LMAN2L: variants seen among roughly 807,000 people sequenced by gnomAD.
LMAN2L encodes VIP36-like protein.
Under a neutral mutation model 44.3 loss-of-function variants are expected in LMAN2L, and 30 were observed. That is an observed-to-expected ratio of 0.68 (90% CI 0.51 to 0.92). The LOEUF (loss-of-function observed/expected upper bound fraction) is 0.92, where lower values mean the gene tolerates loss of function less well. LMAN2L is among the 40% of genes least tolerant of loss of function. The probability of loss-of-function intolerance (pLI) is 0.00; values close to 1 mark genes in which losing one functional copy is unlikely to be tolerated. For synonymous variants in LMAN2L, 183 were observed against 171.1 expected (o/e 1.07, Z -0.54); for missense variants, 429 against 446.1 (o/e 0.96, Z 0.35).
Position 96,707,813 on chromosome 2 carries a change from A to C in LMAN2L, c.805T>G (p.Leu269Val). The C allele has an allele frequency of 6.2e-7, 1 of 1,613,844 alleles. No homozygotes were observed. Among genetic ancestry groups the C allele is most frequent in the South Asian group, 1.1e-5 (1 of 91,060 alleles). ...TCCACTGTCAGTTCAAACAACTTCAAGGAAATGACATCATGATTATCTGAA... is the reference window on the plus strand; with the variant it reads ...TCCACTGTCAGTTCAAACAACTTCACGGAAATGACATCATGATTATCTGAA... ...DLSDNHDVIS[L>V]KLFELTVERT... The change falls in exon 7 of 8, where the codon TTG becomes GTG. Residue 269 changes from leucine (L) to valine (V), a missense_variant. Physicochemically the swap from Leu to Val is conservative, Grantham distance 32. Transcript: ENST00000264963.
intron 4 of LMAN2L, among the ~76,000 whole-genome samples, chr2:96,721,954 C>T (rs2078166554): frequency 6.6e-6 from 1 of 151,880 alleles, no homozygotes; most frequent in Non-Finnish European, 1.5e-5. Flanking sequence ...AAGCACATTA[C>T]ATTTATTGTG....
chr2:96,730,808 G>A (rs1034520786), intron 4 of LMAN2L, among the ~76,000 whole-genome samples: 1 of 152,148 alleles, frequency 6.6e-6, no homozygotes, highest in Non-Finnish European at 1.5e-5. Flanking sequence ...CTGAGTAGCT[G>A]GGACTACAGA....
intron 4 of LMAN2L, among the ~76,000 whole-genome samples, chr2:96,718,055 A>C (rs2078077725): frequency 1.3e-5 from 2 of 151,822 alleles, no homozygotes; most frequent in African/African-American, 4.8e-5. Context: ...TCCCGGGTTC[A>C]AGCGATTCTC....
At chr2:96,720,350 T>C (rs1262141612) in intron 4 of LMAN2L, among the ~76,000 whole-genome samples, 4 of 152,208 alleles carry the variant, frequency 2.6e-5, no homozygotes, top group Non-Finnish European at 4.4e-5. Flanking sequence ...CGGAAGCACA[T>C]TGTAGCTCCA....
chr2:96,727,358 G>T (rs1161391330), intron 4 of LMAN2L, among the ~76,000 whole-genome samples: 1 of 152,156 alleles, frequency 6.6e-6, no homozygotes, highest in Non-Finnish European at 1.5e-5. Context: ...GGGGCCGGGT[G>T]CGGTGGCTCA....
At position 96,728,253 on chromosome 2, in the gene LMAN2L, C is replaced by G. The variant is rs564361878; in HGVS notation, c.507+5266G>C. Among the ~76,000 whole-genome samples the G allele has an allele frequency of 4.6e-5, 7 of 152,032 alleles. No individual in the cohort carries two copies. In the East Asian group the frequency reaches 1.4e-3, roughly 30 times the overall value. On this transcript the variant is annotated intron_variant, in intron 4 of 7. Coordinates refer to ENST00000264963, the MANE Select transcript of LMAN2L (RefSeq NM_030805.4). The stretch of plus-strand genomic sequence containing the variant: ...CTGTAATCCCAGCACTTTGGGAGAC[C>G]GAGGCGGGCGGATCACGAGGTCAGG...
intron 4 of LMAN2L, among the ~76,000 whole-genome samples, chr2:96,713,511 C>T (rs2077973481): frequency 6.6e-6 from 1 of 152,188 alleles, no homozygotes; most frequent in African/African-American, 2.4e-5. Context: ...ACTTATGTCT[C>T]TGGGAGTCAG....
At chr2:96,724,080 C>T (rs1385002052) in intron 4 of LMAN2L, among the ~76,000 whole-genome samples, 1 of 149,820 alleles carries the variant, frequency 6.7e-6, no homozygotes, top group Non-Finnish European at 1.5e-5. Flanking sequence ...GCCTGGGAGA[C>T]AGAGCGAGAC....
intron 4 of LMAN2L, among the ~76,000 whole-genome samples, chr2:96,730,292 A>G (rs1386177674): frequency 6.6e-6 from 1 of 152,132 alleles, no homozygotes; most frequent in East Asian, 1.9e-4. Context: ...CTATTTCCTC[A>G]GCATGACTAC....
chr2:96,735,576 C>T (rs1267103354), intron 2 of LMAN2L, among the ~76,000 whole-genome samples: 3 of 152,300 alleles, frequency 2.0e-5, no homozygotes, highest in Admixed American at 6.5e-5. Context: ...CGGTGGCTCA[C>T]GCCTGTAATC....
intron 4 of LMAN2L, among the ~76,000 whole-genome samples, chr2:96,728,398 C>T (rs1394554149): frequency 6.6e-6 from 1 of 151,626 alleles, no homozygotes; most frequent in Non-Finnish European, 1.5e-5. Flanking sequence ...CCCAGCTATT[C>T]CGGAGGCTGA....
intron 2 of LMAN2L, among the ~76,000 whole-genome samples, chr2:96,736,037 G>A (rs1474395274): frequency 6.6e-6 from 1 of 152,112 alleles, no homozygotes; most frequent in Non-Finnish European, 1.5e-5. Flanking sequence ...TTCAGAGAAA[G>A]AGTGAAATTC....
intron 4 of LMAN2L, among the ~76,000 whole-genome samples, chr2:96,728,215 C>T (rs879574521): frequency 2.6e-5 from 4 of 152,134 alleles, no homozygotes; most frequent in Admixed American, 6.5e-5. Context: ...TGGCCAGGCG[C>T]GGTGGCTCAC....
At chr2:96,718,991 G>T (rs17119564) in intron 4 of LMAN2L, among the ~76,000 whole-genome samples, 9 of 152,068 alleles carry the variant, frequency 5.9e-5, no homozygotes, top group Non-Finnish European at 1.2e-4. Context: ...GTAATTTGAG[G>T]ACTTCAATAA....
intron 4 of LMAN2L, among the ~76,000 whole-genome samples, chr2:96,723,401 G>C (rs1181490112): frequency 6.6e-6 from 1 of 152,116 alleles, no homozygotes; most frequent in African/African-American, 2.4e-5. Context: ...TTACTATTGA[G>C]TTGTAATAGT....
chr2:96,724,614 T>A (rs970747227), intron 4 of LMAN2L, among the ~76,000 whole-genome samples: 1 of 152,144 alleles, frequency 6.6e-6, no homozygotes, highest in Non-Finnish European at 1.5e-5. Flanking sequence ...AACCTCCACC[T>A]CAGCCTCCCG....
chr2:96,708,311 A>C (rs2077830455), intron 6 of LMAN2L, among the ~76,000 whole-genome samples: 1 of 152,256 alleles, frequency 6.6e-6, no homozygotes, highest in African/African-American at 2.4e-5. Flanking sequence ...GTTACATCAG[A>C]CATTCAACAC....
Position 96,737,108 on chromosome 2 carries a change from T to C in LMAN2L, c.306+841A>G, listed in dbSNP as rs2078531947. The C allele has an allele frequency of 8.8e-6, 4 of 454,104 alleles. No individual in the cohort carries two copies. The East Asian group carries it at 2.1e-4, about 24-fold the overall frequency. 28.1% of individuals were successfully genotyped at this position (454,104 alleles called of 1,614,324 possible). On this transcript the variant is annotated intron_variant, in intron 2 of 7. Coordinates refer to ENST00000264963, the MANE Select transcript of LMAN2L (RefSeq NM_030805.4). Reference sequence around the variant, plus strand: ...TGGTCGTAAAAGATTTAGAAAGCCCTGGAAACAGAAAAGAAAGCATCATCT... The same window carrying C: ...TGGTCGTAAAAGATTTAGAAAGCCCCGGAAACAGAAAAGAAAGCATCATCT...
At chr2:96,730,470 A>T (rs1574024172) in intron 4 of LMAN2L, among the ~76,000 whole-genome samples, 1 of 152,106 alleles carries the variant, frequency 6.6e-6, no homozygotes, top group Non-Finnish European at 1.5e-5. Flanking sequence ...TCATCTAAAC[A>T]GTTCAGCCAC....
Sources: gnomAD v4.1 joint callset for allele counts (sites outside exome capture counted in the v4.1 genomes callset) on GRCh38, gnomAD v4.1.1 for gene constraint, MANE v1.5 for transcripts, NCBI Gene and HGNC (gene_info 2026-07-23, HGNC 2026-07-21) for gene names.